The following TBC1D4 variants were observed in gnomAD, a reference collection of about 807,000 sequenced individuals.
TBC1D4 encodes TBC (Tre-2, BUB2, CDC16) domain-containing protein.
In TBC1D4, 121 loss-of-function variants were observed where a neutral mutation model predicts 142.5. The ratio of observed to expected loss-of-function variants is 0.85; its 90% CI spans 0.73 to 0.99. TBC1D4 has a LOEUF of 0.99. Ranked by LOEUF, TBC1D4 falls within the 50% of genes least tolerant of loss-of-function variation. TBC1D4 has a pLI of 0.00. For synonymous variants in TBC1D4, 630 were observed against 628.2 expected, an observed-to-expected ratio of 1.00 and a Z score of -0.04; for missense variants, 1,475 against 1,606.6, an observed-to-expected ratio of 0.92 and a Z score of 1.40.
intron 15 of TBC1D4, among the ~76,000 whole-genome samples, chr13:75,303,883 C>T (rs539798830): frequency 1.1e-4 from 16 of 152,334 alleles, no homozygotes; most frequent in South Asian, 4.1e-4. Context: ...CAAGCTCCCT[C>T]GCTTGACTTC....
intron 1 of TBC1D4, among the ~76,000 whole-genome samples, chr13:75,463,997 C>T (rs1002167675): frequency 5.9e-5 from 9 of 152,310 alleles, no homozygotes; most frequent in Admixed American, 5.2e-4. Flanking sequence ...AAAGTACCAC[C>T]GGTAGTAGTA....
At chr13:75,447,598 C>T (rs1344719246) in intron 1 of TBC1D4, among the ~76,000 whole-genome samples, 2 of 150,996 alleles carry the variant, frequency 1.3e-5, no homozygotes, top group African/African-American at 4.9e-5. Context: ...ACTTTATATA[C>T]ACACACACAC....
chr13:75,295,860 AT>A (rs1875862507), intron 17 of TBC1D4, among the ~76,000 whole-genome samples: 1 of 152,214 alleles, frequency 6.6e-6, no homozygotes, highest in Non-Finnish European at 1.5e-5. Context: ...TTGGCTTGAT[AT>A]TTTGGTGTAA....
intron 1 of TBC1D4, among the ~76,000 whole-genome samples, chr13:75,450,139 A>G (rs1385363154): frequency 2.6e-5 from 4 of 152,172 alleles, no homozygotes; most frequent in Non-Finnish European, 5.9e-5. Context: ...ACCATTGCCA[A>G]CATTTTTATA....
At chr13:75,469,101 C>T (rs529213667) in intron 1 of TBC1D4, among the ~76,000 whole-genome samples, 4 of 152,182 alleles carry the variant, frequency 2.6e-5, no homozygotes, top group African/African-American at 7.2e-5. Flanking sequence ...AAACTAAGCT[C>T]GCAAAGAATG....
chr13:75,412,312 C>A (rs1421342455), intron 1 of TBC1D4, among the ~76,000 whole-genome samples: 2 of 151,956 alleles, frequency 1.3e-5, no homozygotes, highest in Middle Eastern at 3.2e-3. Flanking sequence ...GAGACAGAGT[C>A]TCCTCTATCA....
At chr13:75,454,894 T>C (rs1456232207) in intron 1 of TBC1D4, among the ~76,000 whole-genome samples, 3 of 152,246 alleles carry the variant, frequency 2.0e-5, no homozygotes, top group South Asian at 2.1e-4. Flanking sequence ...TAACCTTTCA[T>C]AGGTGTTAGA....
At chr13:75,388,793 T>C (rs978653051) in intron 1 of TBC1D4, among the ~76,000 whole-genome samples, 1 of 152,206 alleles carries the variant, frequency 6.6e-6, no homozygotes, top group Admixed American at 6.5e-5. Context: ...GTCTTCCACA[T>C]GTCCACAGTA....
intron 1 of TBC1D4, among the ~76,000 whole-genome samples, chr13:75,412,710 T>TC (rs1885732457): frequency 6.6e-6 from 1 of 152,198 alleles, no homozygotes; most frequent in Non-Finnish European, 1.5e-5. Flanking sequence ...CATTAGGTCT[T>TC]CCCAGGTTAT....
chr13:75,451,086 C>T (rs1887513279), intron 1 of TBC1D4, among the ~76,000 whole-genome samples: 1 of 152,062 alleles, frequency 6.6e-6, no homozygotes, highest in African/African-American at 2.4e-5. Context: ...GATCTATTAC[C>T]ATTTCTTTAC....
At chr13:75,298,399 A>C (rs1046311107) in intron 17 of TBC1D4, among the ~76,000 whole-genome samples, 1 of 152,256 alleles carries the variant, frequency 6.6e-6, no homozygotes, top group Non-Finnish European at 1.5e-5. Context: ...TAAAGACAGC[A>C]GTGGCAGTTA....
intron 7 of TBC1D4, among the ~76,000 whole-genome samples, chr13:75,337,788 G>A (rs139895617): frequency 8.5e-5 from 13 of 152,302 alleles, no homozygotes; most frequent in African/African-American, 3.1e-4. Context: ...AGACAGGCGG[G>A]AAGAAAGGGA....
chr13:75,306,025 T>A (rs1838191672), intron 15 of TBC1D4, among the ~76,000 whole-genome samples: 1 of 152,182 alleles, frequency 6.6e-6, no homozygotes, highest in South Asian at 2.1e-4. Flanking sequence ...GAGTCAAGTT[T>A]GAAAGACTGA....
intron 1 of TBC1D4, among the ~76,000 whole-genome samples, chr13:75,451,341 TATTTAA>T: frequency 6.6e-6 from 1 of 152,154 alleles, no homozygotes; most frequent in South Asian, 2.1e-4. Flanking sequence ...TCAAATGCTG[TATTTAA>T]GAGTCAGTAG....
In TBC1D4 at chr13:75,444,171, G is replaced by A. The variant is rs1046643775; in HGVS notation, c.498+37099C>T. ...AAAGTCTTGTTCTGTTGCGAAAGCGGAGCGCAGTCAGGTGTCATCATAGCT... is the reference window on the plus strand; with the variant it reads ...AAAGTCTTGTTCTGTTGCGAAAGCGAAGCGCAGTCAGGTGTCATCATAGCT... On this transcript the variant is annotated intron_variant, in intron 1 of 20. Transcript: ENST00000377636. 2.6e-5 allele frequency among the ~76,000 whole-genome samples: 4 copies of A among 152,142 alleles called. No homozygotes were observed. In the East Asian group the frequency reaches 7.7e-4, roughly 29 times the overall value.
chr13:75,407,712 C>G (rs923532645), intron 1 of TBC1D4, among the ~76,000 whole-genome samples: 1 of 152,060 alleles, frequency 6.6e-6, no homozygotes, highest in Non-Finnish European at 1.5e-5. Context: ...GGGAGCACAG[C>G]AGCTGAAACC....
intron 1 of TBC1D4, among the ~76,000 whole-genome samples, chr13:75,387,362 T>C (rs1884239300): frequency 6.6e-6 from 1 of 152,222 alleles, no homozygotes; most frequent in South Asian, 2.1e-4. Context: ...CAAAGAATGA[T>C]CGTTCCTTAG....
intron 11 of TBC1D4, among the ~76,000 whole-genome samples, chr13:75,323,322 G>A (rs1878941470): frequency 6.6e-6 from 1 of 151,998 alleles, no homozygotes; most frequent in South Asian, 2.1e-4. Context: ...ATACTATACA[G>A]CAATAAAAGT....
intron 1 of TBC1D4, among the ~76,000 whole-genome samples, chr13:75,469,137 A>G (rs917330282): frequency 2.6e-5 from 4 of 152,142 alleles, no homozygotes; most frequent in African/African-American, 9.7e-5. Flanking sequence ...AAGGCTCTGG[A>G]GTGATTTAAG....
Sources: allele counts gnomAD v4.1 joint callset (sites outside exome capture counted in the v4.1 genomes callset), GRCh38; gene constraint gnomAD v4.1.1; transcripts MANE v1.5; gene names NCBI Gene and HGNC (gene_info 2026-07-23, HGNC 2026-07-21).